The following TOX3 variants were observed in gnomAD, a reference collection of about 807,000 sequenced individuals.
The protein encoded by TOX3 is TOX high mobility group box family member 3.
In TOX3, 22 loss-of-function variants were observed where a neutral mutation model predicts 64.3. The ratio of observed to expected loss-of-function variants is 0.34; its 90% CI spans 0.24 to 0.49. The LOEUF (loss-of-function observed/expected upper bound fraction) is 0.49, where lower values mean the gene tolerates loss of function less well. Ranked by LOEUF, TOX3 falls within the 20% of genes least tolerant of loss-of-function variation. TOX3 has a pLI of 0.99. For synonymous variants in TOX3, 291 were observed against 273.6 expected (o/e 1.06, Z -0.63); for missense variants, 661 against 714.4 (o/e 0.93, Z 0.85).
chr16:52,491,192 C>T (rs1195014683), intron 1 of TOX3, among the ~76,000 whole-genome samples: 1 of 152,100 alleles, frequency 6.6e-6, no homozygotes, highest in African/African-American at 2.4e-5. Context: ...TTGCCAACCT[C>T]ATCACCTCTA....
chr16:52,527,298 G>A (rs940637653), intron 1 of TOX3, among the ~76,000 whole-genome samples: 1 of 152,074 alleles, frequency 6.6e-6, no homozygotes, highest in African/African-American at 2.4e-5. Context: ...CAAAACCCTC[G>A]ACATATTGCT....
At chr16:52,442,014 A>G (rs530623687) in intron 6 of TOX3, among the ~76,000 whole-genome samples, 7 of 152,352 alleles carry the variant, frequency 4.6e-5, no homozygotes, top group Middle Eastern at 3.4e-3. Flanking sequence ...GTAGTTAAAA[A>G]TTAACAAGCT....
At chr16:52,507,210 G>A (rs1052109242) in intron 1 of TOX3, among the ~76,000 whole-genome samples, 3 of 152,178 alleles carry the variant, frequency 2.0e-5, no homozygotes, top group African/African-American at 7.2e-5. Flanking sequence ...ACAAAATAAA[G>A]GAGGGGGCTG....
At chr16:52,510,702 G>A (rs1962281103) in intron 1 of TOX3, among the ~76,000 whole-genome samples, 1 of 142,096 alleles carries the variant, frequency 7.0e-6, no homozygotes. Context: ...GTTGCAGTGA[G>A]CCGAGATGGG....
At chr16:52,444,202 A>G in intron 6 of TOX3, 74 bp downstream of exon 6, 6 of 1,151,454 alleles carry the variant, frequency 5.2e-6, no homozygotes, top group Non-Finnish European at 6.0e-6. Context: ...AGCTACAAGT[A>G]TGTTTTCAAT....
chr16:52,461,915 G>A (rs1019043425), intron 3 of TOX3, among the ~76,000 whole-genome samples: 7 of 152,158 alleles, frequency 4.6e-5, no homozygotes, highest in East Asian at 1.9e-4. Context: ...CAAGTTTATA[G>A]GTGAACATGT....
chr16:52,511,230 A>G (rs186103658), intron 1 of TOX3, among the ~76,000 whole-genome samples: 3 of 152,304 alleles, frequency 2.0e-5, no homozygotes, highest in Non-Finnish European at 4.4e-5. Flanking sequence ...ACGGTGACTC[A>G]TGCCTGTAAT....
intron 1 of TOX3, among the ~76,000 whole-genome samples, chr16:52,494,242 T>G (rs1961777746): frequency 6.6e-6 from 1 of 152,172 alleles, no homozygotes; most frequent in African/African-American, 2.4e-5. Flanking sequence ...ATTTAGCTCT[T>G]ACTAGTGCAA....
intron 1 of TOX3, among the ~76,000 whole-genome samples, chr16:52,545,194 CT>C: frequency 6.6e-6 from 1 of 152,278 alleles, no homozygotes; most frequent in African/African-American, 2.4e-5. Flanking sequence ...AGCGATCGGC[CT>C]TTTCTTGCCT....
In TOX3 at chr16:52,440,082, C is replaced by T. The variant is rs374331504; in HGVS notation, c.988-114G>A. 3.6e-6 allele frequency: 3 copies of T among 837,806 alleles called. No homozygotes were observed. In the Admixed American group the frequency reaches 9.4e-5, roughly 26 times the overall value. 51.9% of individuals were successfully genotyped at this position (837,806 alleles called of 1,614,324 possible). ...TTTTAACGGCCACCATTATTCATGC[C>T]CTCCTGTATGTGTACTCTTTGTCTT... is the stretch of plus-strand genomic sequence containing the variant. On this transcript the variant is annotated intron_variant, in intron 6 of 6. Transcript: ENST00000219746.
At chr16:52,541,879 C>A (rs1963083585) in intron 1 of TOX3, among the ~76,000 whole-genome samples, 1 of 152,146 alleles carries the variant, frequency 6.6e-6, no homozygotes. Flanking sequence ...ACACCACACA[C>A]TTAGAACTGC....
At chr16:52,513,514 A>G (rs1272683275) in intron 1 of TOX3, among the ~76,000 whole-genome samples, 1 of 152,230 alleles carries the variant, frequency 6.6e-6, no homozygotes, top group Admixed American at 6.5e-5. Flanking sequence ...AAAGTCTCCT[A>G]TAGTTAACAT....
intron 1 of TOX3, among the ~76,000 whole-genome samples, chr16:52,499,570 C>A (rs528816172): frequency 1.3e-5 from 2 of 152,266 alleles, no homozygotes; most frequent in African/African-American, 4.8e-5. Flanking sequence ...AACAAAATTG[C>A]CTGAGGTCAA....
intron 3 of TOX3, among the ~76,000 whole-genome samples, chr16:52,461,555 C>T (rs895502785): frequency 5.3e-5 from 8 of 151,982 alleles, no homozygotes; most frequent in Non-Finnish European, 5.9e-5. Context: ...AAAGGAAAAC[C>T]GATGAAGCTC....
intron 1 of TOX3, among the ~76,000 whole-genome samples, chr16:52,525,934 G>A (rs1434851482): frequency 6.6e-6 from 1 of 152,152 alleles, no homozygotes; most frequent in South Asian, 2.1e-4. Context: ...AGAACTAAAG[G>A]TTTGTTTGTT....
rs1959783524 is a variant in TOX3, at chr16:52,437,500, T to G, written c.*1725A>C. 1 of 152,156 alleles carries G rather than the reference T, an allele frequency of 6.6e-6. No homozygotes were observed. Among genetic ancestry groups the G allele is most frequent in the Non-Finnish European group, 1.5e-5 (1 of 68,014 alleles). 9.4% of individuals were successfully genotyped at this position (152,156 alleles called of 1,614,324 possible). A position where few individuals can be genotyped will look rare whatever the true frequency, so the allele number is the denominator to read the frequency against. On this transcript the variant is annotated 3_prime_UTR_variant, in exon 7 of 7. Coordinates refer to ENST00000219746, the MANE Select transcript of TOX3 (RefSeq NM_001080430.4). ...ATAAGCAGTTTAAGACTGTTGCCAG[T>G]GGTAATTTGCAATTTTTATCAAGAC...
At chr16:52,477,343 A>G (rs1354012768) in intron 1 of TOX3, among the ~76,000 whole-genome samples, 1 of 152,210 alleles carries the variant, frequency 6.6e-6, no homozygotes, top group African/African-American at 2.4e-5. Flanking sequence ...AGTGTCCACA[A>G]AGGATTTTGT....
chr16:52,511,737 A>G (rs547671101), intron 1 of TOX3, among the ~76,000 whole-genome samples: 1 of 152,354 alleles, frequency 6.6e-6, no homozygotes, highest in South Asian at 2.1e-4. Flanking sequence ...GTAGGAATAT[A>G]CCATGAAAGA....
intron 6 of TOX3, among the ~76,000 whole-genome samples, chr16:52,442,335 G>T (rs1278152566): frequency 2.6e-5 from 4 of 152,120 alleles, no homozygotes; most frequent in Non-Finnish European, 5.9e-5. Flanking sequence ...TGATGCTGGG[G>T]CTGAACTCTC....
Sources: allele counts gnomAD v4.1 joint callset (sites outside exome capture counted in the v4.1 genomes callset), GRCh38; gene constraint gnomAD v4.1.1; transcripts MANE v1.5; gene names NCBI Gene and HGNC (gene_info 2026-07-23, HGNC 2026-07-21).